NIPBL: variants seen among roughly 807,000 people sequenced by gnomAD.
The protein encoded by NIPBL is nipped-B-like protein.
Under a neutral mutation model 321.8 loss-of-function variants are expected in NIPBL, and 19 were observed. That is an observed-to-expected ratio of 0.06 (90% confidence interval 0.04 to 0.09). The LOEUF (loss-of-function observed/expected upper bound fraction) is 0.09. NIPBL is among the 10% of genes least tolerant of loss of function. The probability of loss-of-function intolerance (pLI) is 1.00; values close to 1 mark genes in which losing one functional copy is unlikely to be tolerated. For synonymous variants in NIPBL, 1,106 were observed against 1,114.1 expected (o/e 0.99, Z 0.14); for missense variants, 2,210 against 3,327.0 (o/e 0.66, Z 8.26).
At chr5:37,016,998 A>T (rs1749072900) in intron 23 of NIPBL, 21 bp from the exon 24 acceptor site, 2 of 1,531,434 alleles carry the variant, frequency 1.3e-6, no homozygotes, top group African/African-American at 2.7e-5. Flanking sequence ...CTATTCAATC[A>T]AAAACTATTT....
intron 1 of NIPBL, among the ~76,000 whole-genome samples, chr5:36,897,836 T>C (rs995273789): frequency 2.8e-5 from 4 of 145,184 alleles, no homozygotes; most frequent in Non-Finnish European, 5.9e-5. Context: ...TTTACTCCAC[T>C]AGTCAGTAAG....
At chr5:36,936,278 T>G (rs1333495624) in intron 1 of NIPBL, among the ~76,000 whole-genome samples, 2 of 152,168 alleles carry the variant, frequency 1.3e-5, no homozygotes, top group Non-Finnish European at 2.9e-5. Context: ...TCATGCACCA[T>G]ATGATGACAT....
At chr5:37,017,735 C>T (rs777059736) in intron 24 of NIPBL, among the ~76,000 whole-genome samples, 1 of 150,866 alleles carries the variant, frequency 6.6e-6, no homozygotes, top group Non-Finnish European at 1.5e-5. Context: ...TTTTTATGCT[C>T]GTAATCATAT....
chr5:36,880,564 G>T (rs189145434), intron 1 of NIPBL, among the ~76,000 whole-genome samples: 21 of 152,036 alleles, frequency 1.4e-4, no homozygotes, highest in Non-Finnish European at 2.8e-4. Flanking sequence ...CCATAAAAAT[G>T]AATGGGAAAT....
chr5:37,046,489 A>T (rs1406009783), intron 38 of NIPBL, among the ~76,000 whole-genome samples: 1 of 152,236 alleles, frequency 6.6e-6, no homozygotes, highest in African/African-American at 2.4e-5. Context: ...TATCTTAAGA[A>T]CATTTATTAA....
intron 16 of NIPBL, among the ~76,000 whole-genome samples, chr5:37,004,665 C>G (rs1411944145): frequency 6.6e-6 from 1 of 152,106 alleles, no homozygotes; most frequent in Non-Finnish European, 1.5e-5. Flanking sequence ...CCTTGTCCTC[C>G]CAAAGCTCTG....
At chr5:36,896,498 A>G (rs1417553506) in intron 1 of NIPBL, among the ~76,000 whole-genome samples, 1 of 152,230 alleles carries the variant, frequency 6.6e-6, no homozygotes, top group East Asian at 1.9e-4. Flanking sequence ...TTAAATCTGT[A>G]GATGAGTTTG....
chr5:36,982,110 A>G (rs1744214791), intron 9 of NIPBL: 1 of 407,964 alleles, frequency 2.5e-6, no homozygotes, highest in Admixed American at 6.5e-5. Flanking sequence ...CAGCATCTGG[A>G]TGACAAGTGT....
At chr5:37,024,329 G>A (rs112634964) in intron 29 of NIPBL, among the ~76,000 whole-genome samples, 8 of 151,982 alleles carry the variant, frequency 5.3e-5, no homozygotes, top group East Asian at 1.9e-4. Context: ...TTTGACAAGC[G>A]TATACTTCTA....
intron 1 of NIPBL, among the ~76,000 whole-genome samples, chr5:36,927,583 A>G (rs1310694168): frequency 1.3e-5 from 2 of 152,202 alleles, no homozygotes; most frequent in Non-Finnish European, 2.9e-5. Flanking sequence ...TGTGTAAAAA[A>G]GATAGGAGTC....
intron 1 of NIPBL, among the ~76,000 whole-genome samples, chr5:36,892,116 A>G (rs189353591): frequency 6.6e-6 from 1 of 152,332 alleles, no homozygotes; most frequent in East Asian, 1.9e-4. Context: ...TTATTTGGAA[A>G]TGACTTTTAC....
chr5:36,962,093 A>G (rs749472246), intron 5 of NIPBL, 30 bp from the exon 6 acceptor site: 7 of 1,613,200 alleles, frequency 4.3e-6, no homozygotes, highest in African/African-American at 4.0e-5. Context: ...TTATTTCCTT[A>G]TATTTTTTTA....
At chr5:37,047,567 G>A (rs972454988) in intron 38 of NIPBL, among the ~76,000 whole-genome samples, 1 of 152,164 alleles carries the variant, frequency 6.6e-6, no homozygotes, top group Non-Finnish European at 1.5e-5. Context: ...CAGATATTCA[G>A]TCTGGACATA....
intron 4 of NIPBL, among the ~76,000 whole-genome samples, chr5:36,959,050 TACA>T (rs1320115023): frequency 2.0e-5 from 3 of 151,838 alleles, no homozygotes; most frequent in Admixed American, 1.3e-4. Context: ...TACAAAAAAA[TACA>T]ACAACTAGCC....
At chr5:36,999,546 A>G (rs937016746) in intron 11 of NIPBL, among the ~76,000 whole-genome samples, 9 of 152,198 alleles carry the variant, frequency 5.9e-5, no homozygotes, top group African/African-American at 2.2e-4. Flanking sequence ...GGTTATTTTC[A>G]GCATAATGTT....
chr5:37,056,322 T>C (rs552049779), intron 42 of NIPBL, among the ~76,000 whole-genome samples: 1 of 152,266 alleles, frequency 6.6e-6, no homozygotes, highest in East Asian at 1.9e-4. Flanking sequence ...TTATGTTGTT[T>C]CCATGGCAGG....
chr5:37,023,796 G>A (rs300063), intron 29 of NIPBL, among the ~76,000 whole-genome samples: 6 of 138,014 alleles, frequency 4.3e-5, no homozygotes, highest in Admixed American at 1.5e-4. Flanking sequence ...TGACATTGAC[G>A]GATTAAAAAG....
Sources: allele counts gnomAD v4.1 joint callset (sites outside exome capture counted in the v4.1 genomes callset), GRCh38; gene constraint gnomAD v4.1.1; transcripts MANE v1.5; gene names NCBI Gene and HGNC (gene_info 2026-07-23, HGNC 2026-07-21).